PCSK6: variants seen among roughly 807,000 people sequenced by gnomAD.
PCSK6 encodes the protein paired basic amino acid cleaving enzyme 4.
In PCSK6, 85 loss-of-function variants were observed where a neutral mutation model predicts 123.3. The observed-to-expected ratio is 0.69, with a 90% CI of 0.58 to 0.83. PCSK6 has a LOEUF of 0.83. Ranked by LOEUF, PCSK6 falls within the 40% of genes least tolerant of loss-of-function variation. The pLI, the probability that PCSK6 is intolerant of heterozygous loss-of-function variation, is 0.00. For synonymous variants in PCSK6, 508 were observed against 516.0 expected (o/e 0.98, Z 0.21); for missense variants, 1,191 against 1,282.3 (o/e 0.93, Z 1.09).
intron 6 of PCSK6, among the ~76,000 whole-genome samples, chr15:101,403,613 G>A (rs887529224): frequency 2.0e-5 from 3 of 152,098 alleles, no homozygotes; most frequent in Non-Finnish European, 4.4e-5. Flanking sequence ...GAACAAGAAC[G>A]TGACCCACTG....
intron 13 of PCSK6, 46 bp downstream of exon 13, chr15:101,366,150 G>A: frequency 4.4e-6 from 7 of 1,575,848 alleles, no homozygotes; most frequent in South Asian, 1.2e-5. Flanking sequence ...GGTAAAAAGA[G>A]GCTTGAGATA....
At chr15:101,381,242 T>C (rs888601836) in intron 11 of PCSK6, among the ~76,000 whole-genome samples, 1 of 152,048 alleles carries the variant, frequency 6.6e-6, no homozygotes, top group African/African-American at 2.4e-5. Flanking sequence ...TGGGTGCCTA[T>C]AATCCCAGCT....
At chr15:101,368,834 A>C (rs561277281) in intron 12 of PCSK6, among the ~76,000 whole-genome samples, 6 of 152,312 alleles carry the variant, frequency 3.9e-5, no homozygotes, top group African/African-American at 1.4e-4. Flanking sequence ...ACTTTCCAAG[A>C]AATGCCAGAA....
At chr15:101,393,487 C>A (rs2042298025) in intron 7 of PCSK6, 63 bp from the exon 8 acceptor site, 7 of 1,322,452 alleles carry the variant, frequency 5.3e-6, no homozygotes, top group Non-Finnish European at 3.1e-6. Flanking sequence ...GGGTCTCCCC[C>A]CGAACCTAGA....
chr15:101,485,004 C>G (rs1260926988), intron 1 of PCSK6, among the ~76,000 whole-genome samples: 1 of 152,228 alleles, frequency 6.6e-6, no homozygotes, highest in Non-Finnish European at 1.5e-5. Context: ...TCCAGCCTCA[C>G]CGTGTATCGC....
At chr15:101,475,356 T>C (rs1181872705) in intron 1 of PCSK6, among the ~76,000 whole-genome samples, 1 of 152,010 alleles carries the variant, frequency 6.6e-6, no homozygotes, top group Non-Finnish European at 1.5e-5. Flanking sequence ...AAACAAGGGA[T>C]GAATATCTAC....
intron 1 of PCSK6, among the ~76,000 whole-genome samples, chr15:101,446,276 A>G (rs1405883686): frequency 6.6e-6 from 1 of 152,262 alleles, no homozygotes; most frequent in Non-Finnish European, 1.5e-5. Flanking sequence ...GGCTTATGTC[A>G]TTCAGCATAA....
chr15:101,394,744 G>T (rs186444467), intron 7 of PCSK6, among the ~76,000 whole-genome samples: 1 of 152,220 alleles, frequency 6.6e-6, no homozygotes, highest in Non-Finnish European at 1.5e-5. Context: ...GAGTGGACCC[G>T]CCTGCTCTGT....
intron 12 of PCSK6, among the ~76,000 whole-genome samples, chr15:101,366,677 C>G (rs965513242): frequency 5.3e-5 from 8 of 152,200 alleles, no homozygotes; most frequent in Non-Finnish European, 1.2e-4. Flanking sequence ...CAGAAGGTGG[C>G]TGGCTCCTTC....
chr15:101,330,419 C>T (rs1596190972), intron 15 of PCSK6, among the ~76,000 whole-genome samples: 1 of 152,374 alleles, frequency 6.6e-6, no homozygotes, highest in South Asian at 2.1e-4. Flanking sequence ...CGGCTCCGCA[C>T]ACCCCGTCTC....
At chr15:101,335,408 A>T (rs891299588) in intron 13 of PCSK6, among the ~76,000 whole-genome samples, 1 of 152,214 alleles carries the variant, frequency 6.6e-6, no homozygotes, top group Non-Finnish European at 1.5e-5. Flanking sequence ...CGGGGTTTTG[A>T]TTTTTGTCTC....
At chr15:101,382,410 C>G (rs374550271) in intron 10 of PCSK6, among the ~76,000 whole-genome samples, 3 of 152,242 alleles carry the variant, frequency 2.0e-5, no homozygotes, top group African/African-American at 7.2e-5. Context: ...GAACCCAACT[C>G]CTTCTGCTAA....
intron 12 of PCSK6, 149 bp downstream of exon 12, chr15:101,370,186 G>C: frequency 5.1e-6 from 3 of 589,322 alleles, no homozygotes; most frequent in Non-Finnish European, 7.8e-6. Context: ...GGGTCTCCAA[G>C]AGAAAGGAAG....
At chr15:101,403,571 C>T (rs140578670) in intron 6 of PCSK6, among the ~76,000 whole-genome samples, 187 of 151,976 alleles carry the variant, frequency 1.2e-3, no homozygotes, top group Non-Finnish European at 1.9e-3. Context: ...AATAAAAAAA[C>T]GGATACCCAT....
rs147964487 is a variant in PCSK6 at position 101,462,596 on chromosome 15, G to C, written c.298-18936C>G. ...CAAGTTTAACTCGTGGAACAGAAAA[G>C]GGAGACAATCTGTATGCAAATACAG... On this transcript the variant is annotated intron_variant, in intron 1 of 21. Transcript: ENST00000611716. Among the ~76,000 whole-genome samples the C allele has an allele frequency of 1.0e-3, 152 of 152,270 alleles. 1 individual carries two copies. Among genetic ancestry groups the C allele is most frequent in the African/African-American group, 3.5e-3 (145 of 41,554 alleles).
intron 2 of PCSK6, among the ~76,000 whole-genome samples, chr15:101,442,858 C>T (rs1407409786): frequency 6.6e-6 from 1 of 152,132 alleles, no homozygotes; most frequent in Non-Finnish European, 1.5e-5. Context: ...TTTCCTGCTT[C>T]GTTTTCTGTC....
chr15:101,332,099 C>T (rs908271284), intron 13 of PCSK6, 68 bp from the exon 14 acceptor site: 5 of 1,416,914 alleles, frequency 3.5e-6, no homozygotes, highest in Admixed American at 2.3e-5. Flanking sequence ...AGAAATAAGC[C>T]AGATGCTGCC....
intron 11 of PCSK6, 43 bp downstream of exon 11, chr15:101,382,049 C>A (rs1232760439): frequency 5.8e-6 from 8 of 1,389,516 alleles, no homozygotes; most frequent in South Asian, 3.7e-5. Context: ...CAGCTCCAAA[C>A]CCACGTGCCT....
At chr15:101,467,746 G>T (rs953767967) in intron 1 of PCSK6, among the ~76,000 whole-genome samples, 5 of 152,146 alleles carry the variant, frequency 3.3e-5, no homozygotes, top group African/African-American at 9.7e-5. Flanking sequence ...TGTTAAACTG[G>T]GGGGAGAAAA....
Sources: gnomAD v4.1 joint callset for allele counts (sites outside exome capture counted in the v4.1 genomes callset) on GRCh38, gnomAD v4.1.1 for gene constraint, MANE v1.5 for transcripts, NCBI Gene and HGNC (gene_info 2026-07-23, HGNC 2026-07-21) for gene names.